Variants in OTUD7A observed in about 807,000 individuals in gnomAD.
The protein encoded by OTUD7A is OTU deubiquitinase 7A.
A neutral mutation model predicts 65.7 loss-of-function variants in OTUD7A; 12 were observed. The ratio of observed to expected loss-of-function variants is 0.18; its 90% confidence interval spans 0.12 to 0.30. The LOEUF (loss-of-function observed/expected upper bound fraction) is 0.30. OTUD7A is among the 10% of genes least tolerant of loss of function. The pLI, the probability that OTUD7A is intolerant of heterozygous loss-of-function variation, is 1.00. For synonymous variants in OTUD7A, 641 were observed against 586.3 expected (o/e 1.09, Z -1.35); for missense variants, 1,148 against 1,304.8 (o/e 0.88, Z 1.85).
At chr15:31,496,436 A>G (rs2041385486) in intron 10 of OTUD7A, among the ~76,000 whole-genome samples, 1 of 152,076 alleles carries the variant, frequency 6.6e-6, no homozygotes, top group African/African-American at 2.4e-5. Context: ...GTTAGCCAGG[A>G]TGGTCTTGAT....
chr15:31,579,996 A>G (rs1346684774), intron 3 of OTUD7A, among the ~76,000 whole-genome samples: 1 of 152,260 alleles, frequency 6.6e-6, no homozygotes, highest in Non-Finnish European at 1.5e-5. Context: ...TTCCACCAGG[A>G]TATCTAGGAA....
chr15:31,486,785 C>A (rs578218496), intron 12 of OTUD7A, among the ~76,000 whole-genome samples: 1 of 152,270 alleles, frequency 6.6e-6, no homozygotes, highest in Non-Finnish European at 1.5e-5. Context: ...TTCCGCTCTG[C>A]GGCAGCACAT....
At chr15:31,817,430 A>G (rs1317136154) in intron 1 of OTUD7A, among the ~76,000 whole-genome samples, 1 of 152,062 alleles carries the variant, frequency 6.6e-6, no homozygotes, top group African/African-American at 2.4e-5. Flanking sequence ...GGTGCCTTTT[A>G]GTGACATTTT....
intron 5 of OTUD7A, among the ~76,000 whole-genome samples, chr15:31,536,950 ATGTAT>A (rs1196562049): frequency 2.0e-5 from 3 of 152,216 alleles, no homozygotes; most frequent in African/African-American, 7.2e-5. Flanking sequence ...CTTAACAAAA[ATGTAT>A]TGTACTCGGG....
At chr15:31,527,086 G>A (rs2042025025) in intron 7 of OTUD7A, 95 bp downstream of exon 7, 15 of 1,546,774 alleles carry the variant, frequency 9.7e-6, no homozygotes, top group Admixed American at 1.8e-5. Flanking sequence ...TCATAAGACT[G>A]TCTGGGGCCT....
chr15:31,537,120 C>T (rs755322320), intron 5 of OTUD7A, among the ~76,000 whole-genome samples: 10 of 152,004 alleles, frequency 6.6e-5, no homozygotes, highest in Admixed American at 2.0e-4. Context: ...ATAAAGACTG[C>T]GAGTAAGCTT....
intron 5 of OTUD7A, 91 bp from the exon 6 acceptor site, chr15:31,530,899 A>AT: frequency 1.1e-6 from 1 of 932,968 alleles, no homozygotes; most frequent in Non-Finnish European, 1.6e-6. Flanking sequence ...TCAGGGACAG[A>AT]TTTTCTACAG....
chr15:31,560,250 A>G (rs1448382921), intron 4 of OTUD7A, among the ~76,000 whole-genome samples: 1 of 152,196 alleles, frequency 6.6e-6, no homozygotes, highest in Non-Finnish European at 1.5e-5. Flanking sequence ...TGCCTCCTAC[A>G]TGGCCCTCCC....
intron 1 of OTUD7A, among the ~76,000 whole-genome samples, chr15:31,749,158 G>C (rs1410589960): frequency 6.7e-6 from 1 of 148,614 alleles, no homozygotes; most frequent in Non-Finnish European, 1.5e-5. Flanking sequence ...AGGGGGAAAG[G>C]ATAGCATTAG....
intron 1 of OTUD7A, among the ~76,000 whole-genome samples, chr15:31,737,172 C>A (rs770887246): frequency 2.0e-5 from 3 of 152,096 alleles, no homozygotes; most frequent in Non-Finnish European, 1.5e-5. Context: ...AATATTTAAC[C>A]AGATAATGTT....
chr15:31,624,994 A>C (rs1890907559), intron 3 of OTUD7A, among the ~76,000 whole-genome samples: 3 of 152,226 alleles, frequency 2.0e-5, no homozygotes, highest in Admixed American at 2.0e-4. Context: ...ATGTGATGGG[A>C]TGTCACTTCC....
At chr15:31,827,550 C>T (rs755842912) in intron 1 of OTUD7A, among the ~76,000 whole-genome samples, 17 of 152,210 alleles carry the variant, frequency 1.1e-4, no homozygotes, top group Non-Finnish European at 1.8e-4. Context: ...TTTTGAATGA[C>T]AGAGCCAAGT....
rs115104573 is a variant in OTUD7A at position 31,842,531 on chromosome 15, A to G, written c.-100+27976T>C. On this transcript the variant is annotated intron_variant, in intron 1 of 12. Coordinates refer to ENST00000307050, the MANE Select transcript of OTUD7A (RefSeq NM_001382637.1). ...TGAATCCCTCTGATGGCTGGTTTCA[A>G]TGGAGACTGTACTATCTACTCCAGG... 6.8e-3 allele frequency among the ~76,000 whole-genome samples: 1,036 copies of G among 152,280 alleles called. 12 individuals are homozygous for G. The highest frequency in any genetic ancestry group is 0.023 in the African/African-American group (959 of 41,552).
chr15:31,821,044 C>A (rs1896665854), intron 1 of OTUD7A, among the ~76,000 whole-genome samples: 1 of 151,626 alleles, frequency 6.6e-6, no homozygotes, highest in African/African-American at 2.4e-5. Context: ...TAAATGCAAT[C>A]ATATAATATG....
chr15:31,701,660 T>G (rs913979951), intron 1 of OTUD7A, among the ~76,000 whole-genome samples: 6 of 150,582 alleles, frequency 4.0e-5, no homozygotes, highest in African/African-American at 1.5e-4. Context: ...ATTCAGAATT[T>G]AAAAGCCTCC....
At chr15:31,866,084 G>A (rs1280109568) in intron 1 of OTUD7A, among the ~76,000 whole-genome samples, 2 of 152,374 alleles carry the variant, frequency 1.3e-5, no homozygotes, top group Admixed American at 6.5e-5. Context: ...TAAGAGAGAT[G>A]TATTTAAAAC....
At position 31,510,934 on chromosome 15, in the gene OTUD7A, T is replaced by C. The variant is rs1379750293; in HGVS notation, c.894-7116A>G. ...TGTATATCTATATGTAACATATATG[T>C]ATATCTATATGTAACATATATGTAT... On this transcript the variant is annotated intron_variant, in intron 8 of 12. Coordinates refer to ENST00000307050, the MANE Select transcript of OTUD7A (RefSeq NM_001382637.1). Among the ~76,000 whole-genome samples, 18 of 30,012 alleles carry C rather than the reference T, an allele frequency of 6.0e-4. 3 individuals are homozygous for C. In the South Asian group the frequency reaches 0.01, roughly 17 times the overall value. The allele number at this position is 30,012 out of a possible 152,430, so 19.7% of individuals were successfully genotyped here. A position where few individuals can be genotyped will look rare whatever the true frequency, so the allele number is the denominator to read the frequency against.
At chr15:31,860,159 G>A (rs1430995858) in intron 1 of OTUD7A, among the ~76,000 whole-genome samples, 2 of 152,088 alleles carry the variant, frequency 1.3e-5, no homozygotes, top group South Asian at 2.1e-4. Context: ...TCTATGGAAT[G>A]GAAAATCTGA....
In OTUD7A at chr15:31,815,267, C is replaced by T. The variant is rs189425244; in HGVS notation, c.-100+55240G>A. 2.7e-3 allele frequency among the ~76,000 whole-genome samples: 366 copies of T among 133,156 alleles called. 1 individual carries two copies. The highest frequency in any genetic ancestry group is 9.0e-3 in the African/African-American group (348 of 38,722). 87.4% of individuals were successfully genotyped at this position (133,156 alleles called of 152,430 possible). A position where few individuals can be genotyped will look rare whatever the true frequency, so the allele number is the denominator to read the frequency against. On this transcript the variant is annotated intron_variant, in intron 1 of 12. Coordinates refer to ENST00000307050, the MANE Select transcript of OTUD7A (RefSeq NM_001382637.1). Reference sequence around the variant, plus strand: ...ATTACATACAGACCTCTGATTTTAGCAGAGAAAGCAACATGCCCAAGTGGA... The same window carrying T: ...ATTACATACAGACCTCTGATTTTAGTAGAGAAAGCAACATGCCCAAGTGGA...
Sources: allele counts gnomAD v4.1 joint callset (sites outside exome capture counted in the v4.1 genomes callset), GRCh38; gene constraint gnomAD v4.1.1; transcripts MANE v1.5; gene names NCBI Gene and HGNC (gene_info 2026-07-23, HGNC 2026-07-21).